COL6A5: variants seen among roughly 807,000 people sequenced by gnomAD.
COL6A5 encodes the protein collagen type VI alpha 5 chain.
A neutral mutation model predicts 65.6 loss-of-function variants in COL6A5; 48 were observed. That is an observed-to-expected ratio of 0.73 (90% CI 0.58 to 0.93). The LOEUF is 0.93. COL6A5 is among the 40% of genes least tolerant of loss of function. COL6A5 has a pLI of 0.00. For missense variants in COL6A5, 914 were observed against 928.3 expected (o/e 0.98, Z 0.20); for synonymous variants, 291 against 322.8 (o/e 0.90, Z 1.05).
chr3:130,375,513 C>T (rs937458998), intron 2 of COL6A5, among the ~76,000 whole-genome samples: 1 of 152,048 alleles, frequency 6.6e-6, no homozygotes, highest in African/African-American at 2.4e-5. Context: ...CTGAAATCCC[C>T]ATCTTAGACT....
intron 10 of COL6A5, among the ~76,000 whole-genome samples, chr3:130,398,357 C>G (rs1254465896): frequency 1.3e-5 from 2 of 152,066 alleles, no homozygotes; most frequent in African/African-American, 4.8e-5. Flanking sequence ...GTCTTGATCT[C>G]CTGACCTCGT....
intron 1 of COL6A5, among the ~76,000 whole-genome samples, chr3:130,438,405 G>GAA (rs1559903605): frequency 8.4e-4 from 124 of 147,690 alleles, no homozygotes; most frequent in African/African-American, 2.6e-3. Context: ...GAGTGAATGA[G>GAA]TGAATGAATG....
chr3:130,396,871 T>A (rs762041633), intron 8 of COL6A5, among the ~76,000 whole-genome samples: 1 of 152,196 alleles, frequency 6.6e-6, no homozygotes, highest in African/African-American at 2.4e-5. Flanking sequence ...TTTTTGTTTT[T>A]TATTTTTTTG....
At chr3:130,403,722 CA>C in intron 13 of COL6A5, 60 bp downstream of exon 13, 1 of 1,148,890 alleles carries the variant, frequency 8.7e-7, no homozygotes, top group Non-Finnish European at 1.2e-6. Flanking sequence ...CACACACACA[CA>C]CACACAAACA....
intron 1 of COL6A5, among the ~76,000 whole-genome samples, chr3:130,372,876 T>C (rs1331992009): frequency 6.6e-6 from 1 of 152,162 alleles, no homozygotes; most frequent in African/African-American, 2.4e-5. Context: ...GTATCTGTTT[T>C]AAGGGAGATC....
At chr3:130,422,868 A>G (rs2107685950) in intron 28 of COL6A5, 86 bp downstream of exon 28, 1 of 857,068 alleles carries the variant, frequency 1.2e-6, no homozygotes, top group East Asian at 3.0e-5. Context: ...TGGATTATTG[A>G]TTCAACCCAA....
At chr3:130,346,324 C>T (rs1018738125) in intron 1 of COL6A5, among the ~76,000 whole-genome samples, 2 of 152,076 alleles carry the variant, frequency 1.3e-5, no homozygotes, top group Non-Finnish European at 2.9e-5. Context: ...TTTAACAATC[C>T]TCCACGGGAT....
At chr3:130,402,740 T>TTA (rs1936857711) in intron 12 of COL6A5, among the ~76,000 whole-genome samples, 1 of 152,122 alleles carries the variant, frequency 6.6e-6, no homozygotes, top group Non-Finnish European at 1.5e-5. Context: ...TACATAGACC[T>TTA]TATATATATA....
chr3:130,390,775 G>A (rs867768062), intron 6 of COL6A5, among the ~76,000 whole-genome samples: 1 of 152,210 alleles, frequency 6.6e-6, no homozygotes, highest in Non-Finnish European at 1.5e-5. Flanking sequence ...TGAGCTTTTC[G>A]AAATAGCAGG....
chr3:130,371,662 A>G (rs1047410200), intron 1 of COL6A5, among the ~76,000 whole-genome samples: 1 of 152,164 alleles, frequency 6.6e-6, no homozygotes, highest in Non-Finnish European at 1.5e-5. Flanking sequence ...ACCTCACCCC[A>G]TACACAAAAC....
intron 3 of COL6A5, among the ~76,000 whole-genome samples, chr3:130,441,601 A>G (rs1709182721): frequency 6.6e-6 from 1 of 152,172 alleles, no homozygotes; most frequent in Non-Finnish European, 1.5e-5. Context: ...CTCGTCCTCT[A>G]TCACAGATGG....
intron 7 of COL6A5, among the ~76,000 whole-genome samples, chr3:130,475,245 A>G (rs1710064885): frequency 6.6e-6 from 1 of 151,868 alleles, no homozygotes; most frequent in Non-Finnish European, 1.5e-5. Flanking sequence ...ATGACCAAAA[A>G]TCCCCCCAAA....
intron 25 of COL6A5, among the ~76,000 whole-genome samples, chr3:130,420,469 A>G (rs1275394032): frequency 6.6e-6 from 1 of 152,154 alleles, no homozygotes; most frequent in Admixed American, 6.6e-5. Flanking sequence ...TCACTGTGGT[A>G]AACAACACAG....
intron 1 of COL6A5, among the ~76,000 whole-genome samples, chr3:130,365,445 T>G (rs1365093526): frequency 6.6e-6 from 1 of 152,056 alleles, no homozygotes; most frequent in Non-Finnish European, 1.5e-5. Flanking sequence ...GCCCGGCTAA[T>G]TTTTTGTATT....
At chr3:130,383,074 A>T (rs1249152186) in intron 4 of COL6A5, among the ~76,000 whole-genome samples, 2 of 152,092 alleles carry the variant, frequency 1.3e-5, no homozygotes, top group Non-Finnish European at 2.9e-5. Context: ...AATCAAATAC[A>T]TACATCTATA....
At chr3:130,366,096 T>C (rs16826828) in intron 1 of COL6A5, among the ~76,000 whole-genome samples, 21,469 of 152,130 alleles carry the variant, frequency 0.14, 2,523 homozygotes, top group East Asian at 0.6. Flanking sequence ...GCCTTCATGA[T>C]TTGGATGGCA....
chr3:130,391,153 T>G, intron 6 of COL6A5, 26 bp from the exon 7 acceptor site: 1 of 1,510,644 alleles, frequency 6.6e-7, no homozygotes, highest in Non-Finnish European at 9.0e-7. Context: ...AGAAAGTTTG[T>G]GACTCCTGTT....
chr3:130,351,190 G>C (rs1254172559), intron 1 of COL6A5, among the ~76,000 whole-genome samples: 1 of 152,178 alleles, frequency 6.6e-6, no homozygotes, highest in Non-Finnish European at 1.5e-5. Flanking sequence ...TTAAATGTTA[G>C]ACCTGAAACC....
rs542722243 is a variant in COL6A5, at chr3:130,398,119, G to A, written c.3991+8G>A. ...ACAGGCTCAGAGAAGCAGGTATTGA[G>A]TTGTTGTTGTTTTTTTTTTTTTTTT... On this transcript the variant is annotated splice_region_variant and intron_variant and NMD_transcript_variant, in intron 10 of 41. Transcript: ENST00000312481. The A allele has an allele frequency of 1.7e-6, 2 of 1,151,416 alleles. No homozygotes were observed. The highest frequency in any genetic ancestry group is 3.4e-5 in the African/African-American group (2 of 58,936). The allele number at this position is 1,151,416 out of a possible 1,614,324, so 71.3% of individuals were successfully genotyped here.
Sources: gnomAD v4.1 joint callset for allele counts (sites outside exome capture counted in the v4.1 genomes callset) on GRCh38, gnomAD v4.1.1 for gene constraint, MANE v1.5 for transcripts, NCBI Gene and HGNC (gene_info 2026-07-23, HGNC 2026-07-21) for gene names.